Variants in TEKT1 observed in about 807,000 individuals in gnomAD.
The protein encoded by TEKT1 is tektin-1.
A neutral mutation model predicts 34.8 loss-of-function variants in TEKT1; 32 were observed. The observed-to-expected ratio is 0.92, with a 90% CI of 0.69 to 1.23. The LOEUF is 1.23. Among genes scored for constraint, TEKT1 ranks in the 50% most tolerant of loss-of-function variants. TEKT1 has a pLI of 0.00. For synonymous variants in TEKT1, 207 were observed against 199.8 expected (o/e 1.04, Z -0.30); for missense variants, 492 against 518.5 (o/e 0.95, Z 0.50).
At chr17:6,826,984 G>T (rs749679559) in intron 2 of TEKT1, among the ~76,000 whole-genome samples, 1 of 152,034 alleles carries the variant, frequency 6.6e-6, no homozygotes, top group Non-Finnish European at 1.5e-5. Context: ...TGTAAGCCAC[G>T]GCGCCTGGCC....
rs759030327 is a variant in TEKT1 at position 6,815,888 on chromosome 17, T to G, written c.431A>C (p.Gln144Pro). The change falls in exon 4 of 8, where the codon CAG (glutamine) becomes CCG (proline). Residue 144 changes from glutamine to proline, a missense_variant. By Grantham distance (76) the Gln-to-Pro change is moderately conservative. Transcript: ENST00000338694. ...ACGGGTCAGCAGAGCCATAATGCCC[T>G]GGATGATCTCAGCCTCCTTTATCAG... Reference protein sequence around the residue: ...HELIKEAEIIQGIMALLTRTL... With the variant: ...HELIKEAEIIPGIMALLTRTL... The G allele has an allele frequency of 3.1e-6, 5 of 1,614,204 alleles. No individual in the cohort carries two copies. The highest frequency in any genetic ancestry group is 4.2e-6 in the Non-Finnish European group (5 of 1,180,032).
intron 6 of TEKT1, among the ~76,000 whole-genome samples, chr17:6,805,173 T>G (rs1009926163): frequency 6.6e-6 from 1 of 152,230 alleles, no homozygotes; most frequent in Non-Finnish European, 1.5e-5. Context: ...AGATTCAACT[T>G]CTTCCTGGTT....
intron 6 of TEKT1, among the ~76,000 whole-genome samples, chr17:6,804,506 G>A (rs1470208788): frequency 6.6e-6 from 1 of 152,138 alleles, no homozygotes; most frequent in African/African-American, 2.4e-5. Flanking sequence ...TGTTGAATAG[G>A]AGTGGTGAGA....
intron 6 of TEKT1, among the ~76,000 whole-genome samples, chr17:6,809,015 G>A (rs904910353): frequency 6.6e-6 from 1 of 152,032 alleles, no homozygotes; most frequent in African/African-American, 2.4e-5. Context: ...TTTCTTTAGA[G>A]CTGTTTTAAG....
At chr17:6,830,441 T>C in intron 1 of TEKT1, 48 bp from the exon 2 acceptor site, 1 of 1,275,008 alleles carries the variant, frequency 7.8e-7, no homozygotes, top group Non-Finnish European at 1.1e-6. Context: ...AATTTGTCCT[T>C]TTTTATGATA....
intron 6 of TEKT1, among the ~76,000 whole-genome samples, chr17:6,809,883 A>T (rs1021127949): frequency 6.6e-6 from 1 of 152,182 alleles, no homozygotes; most frequent in African/African-American, 2.4e-5. Flanking sequence ...ACCACAGTTT[A>T]TCCATCCATT....
At position 6,799,907 on chromosome 17, in the gene TEKT1, T is replaced by C; in HGVS notation, c.*120A>G. 1.0e-6 allele frequency: 1 copy of C among 963,806 alleles called. No individual in the cohort carries two copies. The highest frequency in any genetic ancestry group is 1.5e-6 in the Non-Finnish European group (1 of 663,136). The allele number at this position is 963,806 out of a possible 1,614,324, so 59.7% of individuals were successfully genotyped here. ...ATCAGCCCCCTGAGCAGGCTTGGAA[T>C]GCCAGCCAAGAGGTTGCAGCAGGCT... On this transcript the variant is annotated 3_prime_UTR_variant, in exon 8 of 8. Coordinates refer to ENST00000338694, the MANE Select transcript of TEKT1 (RefSeq NM_053285.2).
intron 2 of TEKT1, among the ~76,000 whole-genome samples, chr17:6,823,979 T>C (rs1904331037): frequency 6.6e-6 from 1 of 151,966 alleles, no homozygotes; most frequent in Non-Finnish European, 1.5e-5. Flanking sequence ...CCCACCACCA[T>C]GCCTGGCTAA....
intron 3 of TEKT1, among the ~76,000 whole-genome samples, chr17:6,817,886 A>G (rs1327322798): frequency 1.3e-5 from 2 of 152,222 alleles, no homozygotes; most frequent in African/African-American, 2.4e-5. Flanking sequence ...CCTCTACGTT[A>G]TCATTATCCT....
chr17:6,800,193 C>T lies in TEKT1; in HGVS notation c.1091G>A (p.Gly364Glu), dbSNP rs753454094. 8 of 1,614,038 alleles carry T rather than the reference C, an allele frequency of 5.0e-6. No homozygotes were observed. The African/African-American group carries it at 1.1e-4, about 22-fold the overall frequency. The change falls in exon 8 of 8, where the codon GGG becomes GAG. Residue 364 changes from glycine (G) to glutamate (E), a missense_variant. By Grantham distance (98) the Gly-to-Glu change is moderately conservative. Transcript: ENST00000338694. ...TLAQAQAELK[G>E]LHRRQLALQE... ...CAGGGCAAGCTGTCTGCGATGCAGC[C>T]CTTTCAGCTCTGCCTGAGCTTGGGC...
intron 2 of TEKT1, among the ~76,000 whole-genome samples, chr17:6,826,633 TAG>T (rs1904403518): frequency 6.7e-6 from 1 of 150,098 alleles, no homozygotes; most frequent in Non-Finnish European, 1.5e-5. Context: ...GATAGATAGA[TAG>T]ATAGATAGAT....
At chr17:6,824,660 T>C (rs1216398731) in intron 2 of TEKT1, among the ~76,000 whole-genome samples, 2 of 152,228 alleles carry the variant, frequency 1.3e-5, no homozygotes, top group African/African-American at 4.8e-5. Flanking sequence ...TTGTGTTGTG[T>C]CTCTTTTACA....
chr17:6,823,057 T>C (rs898968525), intron 2 of TEKT1, among the ~76,000 whole-genome samples: 2 of 152,194 alleles, frequency 1.3e-5, no homozygotes, highest in Non-Finnish European at 2.9e-5. Flanking sequence ...GCTACCAGTG[T>C]CTTAGGAAAC....
Position 6,811,507 on chromosome 17 carries a change from C to G in TEKT1, c.852+1324G>C, listed in dbSNP as rs971244228. ...CAAGTGTTGAAGCCACAGTTCAAAC[C>G]CAAGATGTCTGGCTCTGACGTCTAC... On this transcript the variant is annotated intron_variant, in intron 6 of 7. Coordinates refer to ENST00000338694, the MANE Select transcript of TEKT1 (RefSeq NM_053285.2). This position sits in a 1 kb window ranked among gnomAD's most constrained non-coding sequence, Gnocchi z 4.4. Among the ~76,000 whole-genome samples, 1 of 152,046 alleles carries G rather than the reference C, an allele frequency of 6.6e-6. No homozygotes were observed. Among genetic ancestry groups the G allele is most frequent in the Non-Finnish European group, 1.5e-5 (1 of 68,012 alleles).
Position 6,813,016 on chromosome 17 carries a change from T to C in TEKT1, c.667A>G (p.Thr223Ala), listed in dbSNP as rs1472859572. 3 of 1,614,134 alleles carry C rather than the reference T, an allele frequency of 1.9e-6. No homozygotes were observed. The change falls in exon 6 of 8, where the codon ACC becomes GCC. Residue 223 changes from threonine to alanine, a missense_variant. By Grantham distance (58) the Thr-to-Ala change is moderately conservative. Transcript: ENST00000338694. ...SLEDWLDFSS[T>A]NVEKADKQRN... ...TGCTTGTCAGCCTTCTCCACATTGG[T>C]GCTGGAGAAGTCCAACCAGTCTTCC...
intron 6 of TEKT1, among the ~76,000 whole-genome samples, chr17:6,804,833 CT>C (rs1309364487): frequency 6.6e-6 from 1 of 152,122 alleles, no homozygotes; most frequent in Non-Finnish European, 1.5e-5. Context: ...GGTGGATAAG[CT>C]TTTTGATGTG....
intron 1 of TEKT1, among the ~76,000 whole-genome samples, chr17:6,830,769 G>T (rs78672472): frequency 6.6e-6 from 1 of 152,072 alleles, no homozygotes; most frequent in Non-Finnish European, 1.5e-5. Flanking sequence ...CAGTTTGTTC[G>T]TTCTCGTTGC....
intron 2 of TEKT1, among the ~76,000 whole-genome samples, chr17:6,827,614 T>A (rs1252310940): frequency 3.9e-5 from 6 of 152,172 alleles, no homozygotes; most frequent in African/African-American, 1.4e-4. Flanking sequence ...AGAAGCAGTT[T>A]GCCAATTTCA....
At chr17:6,827,949 CT>C (rs1392072130) in intron 2 of TEKT1, among the ~76,000 whole-genome samples, 1 of 148,676 alleles carries the variant, frequency 6.7e-6, no homozygotes, top group Non-Finnish European at 1.5e-5. Context: ...GATTTCTCTT[CT>C]TTTTTTTGTT....
Sources: allele counts gnomAD v4.1 joint callset (sites outside exome capture counted in the v4.1 genomes callset), GRCh38; gene constraint gnomAD v4.1.1; non-coding constraint Gnocchi (gnomAD v3.1); transcripts MANE v1.5; gene names NCBI Gene and HGNC (gene_info 2026-07-23, HGNC 2026-07-21).